LINGO2: variants seen among roughly 807,000 people sequenced by gnomAD.
LINGO2 encodes leucine-rich repeat and immunoglobulin-like domain-containing nogo receptor-interacting protein 2.
LINGO2 carries 14 observed loss-of-function variants against 30.6 expected under a neutral mutation model. The ratio of observed to expected loss-of-function variants is 0.46; its 90% CI spans 0.30 to 0.72. LINGO2 has a LOEUF of 0.72. LINGO2 is among the 30% of genes least tolerant of loss of function. The probability of loss-of-function intolerance (pLI) is 0.07; values close to 1 mark genes in which losing one functional copy is unlikely to be tolerated. For synonymous variants in LINGO2, 317 were observed against 288.5 expected, an observed-to-expected ratio of 1.10 and a Z score of -1.00; for missense variants, 729 against 751.7, an observed-to-expected ratio of 0.97 and a Z score of 0.35.
chr9:28,350,961 G>C (rs1186134640), intron 3 of LINGO2, among the ~76,000 whole-genome samples: 1 of 151,848 alleles, frequency 6.6e-6, no homozygotes, highest in Non-Finnish European at 1.5e-5. Context: ...CGAGAACAAA[G>C]ACACAACATA....
intron 1 of LINGO2, among the ~76,000 whole-genome samples, chr9:28,497,474 G>A (rs1014650101): frequency 6.6e-5 from 10 of 152,186 alleles, no homozygotes; most frequent in South Asian, 2.1e-4. Context: ...TTGTGCATTC[G>A]TCATGTAGTT....
At chr9:28,481,792 G>T (rs1226638224) in intron 1 of LINGO2, among the ~76,000 whole-genome samples, 2 of 120,348 alleles carry the variant, frequency 1.7e-5, no homozygotes, top group Non-Finnish European at 3.3e-5. Flanking sequence ...CCCCACAACA[G>T]TCCCCAGAGT....
chr9:28,301,153 T>C (rs1824126097), intron 3 of LINGO2, among the ~76,000 whole-genome samples: 2 of 152,084 alleles, frequency 1.3e-5, no homozygotes, highest in Admixed American at 6.6e-5. Context: ...CCACAAATGG[T>C]GAGCTGGAGA....
chr9:28,732,864 G>A, the LINGO2 span, among the ~76,000 whole-genome samples: 2 of 151,964 alleles, frequency 1.3e-5, no homozygotes, highest in Non-Finnish European at 2.9e-5. Flanking sequence ...CTGGCCTGAT[G>A]CAAGAAATCC....
chr9:28,027,718 T>C (rs897515950), intron 4 of LINGO2, among the ~76,000 whole-genome samples: 4 of 152,174 alleles, frequency 2.6e-5, no homozygotes, highest in African/African-American at 9.7e-5. Flanking sequence ...AGGTGGTATA[T>C]AAAGTATTTA....
chr9:28,891,238 G>C, the LINGO2 span, among the ~76,000 whole-genome samples: 23 of 152,012 alleles, frequency 1.5e-4, no homozygotes, highest in African/African-American at 5.1e-4. Flanking sequence ...ATCACACATA[G>C]AATAAGCAAT....
At chr9:28,459,165 T>C (rs1587703136) in intron 2 of LINGO2, among the ~76,000 whole-genome samples, 2 of 152,162 alleles carry the variant, frequency 1.3e-5, no homozygotes, top group South Asian at 4.1e-4. Flanking sequence ...ATAATGATAT[T>C]AGTAAACTTC....
At chr9:28,122,368 A>G (rs1827120391) in intron 4 of LINGO2, among the ~76,000 whole-genome samples, 1 of 152,204 alleles carries the variant, frequency 6.6e-6, no homozygotes. Context: ...GGATTAGAAG[A>G]AGGAAAATAA....
At chr9:29,172,617 A>G in the LINGO2 span, among the ~76,000 whole-genome samples, 6 of 151,984 alleles carry the variant, frequency 3.9e-5, no homozygotes, top group Non-Finnish European at 7.4e-5. Flanking sequence ...GCAAAACTAC[A>G]GAAGAAAAAT....
At chr9:29,093,084 C>CAG in the LINGO2 span, among the ~76,000 whole-genome samples, 6 of 112,060 alleles carry the variant, frequency 5.4e-5, 1 homozygote, top group African/African-American at 1.1e-4. Flanking sequence ...GAGAGAGGGA[C>CAG]AGAGAGAGAG....
chr9:28,896,202 A>G, the LINGO2 span, among the ~76,000 whole-genome samples: 1 of 152,174 alleles, frequency 6.6e-6, no homozygotes, highest in South Asian at 2.1e-4. Flanking sequence ...TTTGAACCAT[A>G]AGACAATGCA....
intron 4 of LINGO2, among the ~76,000 whole-genome samples, chr9:28,166,357 C>G (rs961209487): frequency 5.3e-5 from 8 of 152,172 alleles, no homozygotes; most frequent in Non-Finnish European, 1.2e-4. Context: ...TACCAGCACT[C>G]TAAGCCTCAG....
At position 28,539,472 on chromosome 9, in the gene LINGO2, G is replaced by A. The variant is rs76672833; in HGVS notation, c.-364-63447C>T. Among the ~76,000 whole-genome samples, 531 of 151,780 alleles carry A rather than the reference G, an allele frequency of 3.5e-3. 2 individuals carry two copies. The highest frequency in any genetic ancestry group is 0.012 in the African/African-American group (484 of 41,392). ...CACATTATGTTTACAAGGTATGTGT[G>A]CACACACACACATGAAATTTTAGCA... On this transcript the variant is annotated intron_variant, in intron 1 of 5. Transcript: ENST00000379992.
chr9:28,433,923 TTCTCTC>T (rs146254758), intron 2 of LINGO2, among the ~76,000 whole-genome samples: 5,079 of 110,092 alleles, frequency 0.046, 300 homozygotes, highest in South Asian at 0.22. Flanking sequence ...TGCTCTCTCT[TTCTCTC>T]TCTCTCTCTC....
the LINGO2 span, among the ~76,000 whole-genome samples, chr9:29,121,528 TTAAA>T: frequency 6.6e-6 from 1 of 151,926 alleles, no homozygotes; most frequent in African/African-American, 2.4e-5. Context: ...TTGCCCCCAA[TTAAA>T]TAAATTAGAA....
At chr9:29,050,066 C>T in the LINGO2 span, among the ~76,000 whole-genome samples, 1 of 151,866 alleles carries the variant, frequency 6.6e-6, no homozygotes, top group African/African-American at 2.4e-5. Context: ...TGCTGTGTCA[C>T]CCAGGCTTGA....
At chr9:28,013,301 C>G (rs1822652135) in intron 4 of LINGO2, among the ~76,000 whole-genome samples, 1 of 152,074 alleles carries the variant, frequency 6.6e-6, no homozygotes, top group Non-Finnish European at 1.5e-5. Context: ...TCCTCCTGCT[C>G]CAAGCCTGAC....
At chr9:28,948,345 A>T in the LINGO2 span, among the ~76,000 whole-genome samples, 1 of 152,118 alleles carries the variant, frequency 6.6e-6, no homozygotes, top group African/African-American at 2.4e-5. Context: ...AAACACATTT[A>T]TCTGTTTCCA....
intron 3 of LINGO2, among the ~76,000 whole-genome samples, chr9:28,327,942 A>T (rs1191049500): frequency 6.6e-6 from 1 of 152,188 alleles, no homozygotes; most frequent in African/African-American, 2.4e-5. Context: ...AAAAAAAATA[A>T]GAGTGGAAGA....
Sources: allele counts gnomAD v4.1 joint callset (sites outside exome capture counted in the v4.1 genomes callset), GRCh38; gene constraint gnomAD v4.1.1; transcripts MANE v1.5; gene names NCBI Gene and HGNC (gene_info 2026-07-23, HGNC 2026-07-21).